MYO1D: variants seen among roughly 807,000 people sequenced by gnomAD.
MYO1D encodes the protein myosin ID.
Under a neutral mutation model 122.0 loss-of-function variants are expected in MYO1D, and 83 were observed. That is an observed-to-expected ratio of 0.68 (90% CI 0.57 to 0.82). MYO1D has a LOEUF of 0.82. Ranked by LOEUF, MYO1D falls within the 40% of genes least tolerant of loss-of-function variation. The pLI is 0.00. For missense variants in MYO1D, 1,157 were observed against 1,269.5 expected (o/e 0.91, Z 1.35); for synonymous variants, 464 against 446.9 (o/e 1.04, Z -0.48).
At position 32,638,619 on chromosome 17, in the gene MYO1D, T is replaced by G. The variant is rs2088140993; in HGVS notation, c.2709+103A>C. The G allele has an allele frequency of 4.4e-6, 3 of 680,060 alleles. No individual in the cohort carries two copies. In the East Asian group the frequency reaches 7.8e-5, roughly 18 times the overall value. 42.1% of individuals were successfully genotyped at this position (680,060 alleles called of 1,614,324 possible). ...ATAAAATTTCAGGAATTCATGGGCA[T>G]CCTAAAGCCCCAAAGATTCTAGAAC... On this transcript the variant is annotated intron_variant, in intron 20 of 21. Transcript: ENST00000318217.
intron 21 of MYO1D, among the ~76,000 whole-genome samples, chr17:32,546,090 G>C (rs1345338825): frequency 1.3e-5 from 2 of 152,000 alleles, no homozygotes; most frequent in East Asian, 1.9e-4. Flanking sequence ...TTCACAGTCT[G>C]GGTCGCCTTC....
At chr17:32,527,049 C>G (rs867418263) in intron 21 of MYO1D, among the ~76,000 whole-genome samples, 20 of 152,338 alleles carry the variant, frequency 1.3e-4, no homozygotes, top group Middle Eastern at 3.4e-3. Context: ...CCATCCCATA[C>G]AGTGCTGCTT....
At chr17:32,545,702 T>C (rs922175901) in intron 21 of MYO1D, among the ~76,000 whole-genome samples, 1 of 152,098 alleles carries the variant, frequency 6.6e-6, no homozygotes, top group African/African-American at 2.4e-5. Context: ...ATACATAACC[T>C]CTCAGCTTAA....
rs373376705 is a variant in MYO1D at position 32,529,014 on chromosome 17, C to G, written c.2865-34099G>C. On this transcript the variant is annotated intron_variant, in intron 21 of 21. Transcript: ENST00000318217. ...CTGACATAGATCGGTAGATGGTGTC[C>G]TCGGATGAGACTTCTGGTTTACTTC... is the stretch of plus-strand genomic sequence containing the variant. 1.2e-4 allele frequency: 18 copies of G among 152,302 alleles called. 1 individual carries two copies. In the East Asian group the frequency reaches 2.7e-3, roughly 23 times the overall value. 9.4% of individuals were successfully genotyped at this position (152,302 alleles called of 1,614,324 possible). A position where few individuals can be genotyped will look rare whatever the true frequency, so the allele number is the denominator to read the frequency against.
chr17:32,824,171 C>G (rs1442488557), intron 1 of MYO1D, among the ~76,000 whole-genome samples: 1 of 150,664 alleles, frequency 6.6e-6, no homozygotes, highest in African/African-American at 2.4e-5. Context: ...TCATATAAAA[C>G]CATTAAAAGC....
chr17:32,796,553 C>A (rs1033457971), intron 1 of MYO1D, among the ~76,000 whole-genome samples: 2 of 152,152 alleles, frequency 1.3e-5, no homozygotes, highest in African/African-American at 4.8e-5. Flanking sequence ...GCTGGGACTA[C>A]AGGCGCGGGC....
intron 1 of MYO1D, among the ~76,000 whole-genome samples, chr17:32,789,549 A>T (rs939102846): frequency 6.6e-6 from 1 of 152,248 alleles, no homozygotes; most frequent in African/African-American, 2.4e-5. Context: ...CATAAGTTGA[A>T]CTGTATTCTC....
At chr17:32,503,809 G>A (rs1012014084) in intron 21 of MYO1D, among the ~76,000 whole-genome samples, 1 of 152,222 alleles carries the variant, frequency 6.6e-6, no homozygotes, top group African/African-American at 2.4e-5. Context: ...GCTCATGACT[G>A]CAGCTGTTTA....
chr17:32,628,123 T>C (rs1472334981), intron 20 of MYO1D, among the ~76,000 whole-genome samples: 1 of 152,116 alleles, frequency 6.6e-6, no homozygotes, highest in Non-Finnish European at 1.5e-5. Flanking sequence ...CAACCACAAG[T>C]CCCCCAGCTC....
At chr17:32,620,270 G>A (rs1311381200) in intron 20 of MYO1D, among the ~76,000 whole-genome samples, 2 of 152,220 alleles carry the variant, frequency 1.3e-5, no homozygotes, top group Non-Finnish European at 2.9e-5. Flanking sequence ...AGGGTCAGGA[G>A]AGGGGTACCT....
Position 32,585,231 on chromosome 17 carries a change from A to C in MYO1D, c.2864+19856T>G, listed in dbSNP as rs554218347. ...GCTTTCCTTTTCTATTTTATATCTA[A>C]ATTTCTTTTCTTCTTATACCCTCAG... On this transcript the variant is annotated intron_variant, in intron 21 of 21. Coordinates refer to ENST00000318217, the MANE Select transcript of MYO1D (RefSeq NM_015194.3). Among the ~76,000 whole-genome samples, 14 of 151,844 alleles carry C rather than the reference A, an allele frequency of 9.2e-5. No individual in the cohort carries two copies. In the South Asian group the frequency reaches 2.9e-3, roughly 32 times the overall value.
chr17:32,534,952 G>A (rs555577236), intron 21 of MYO1D, among the ~76,000 whole-genome samples: 64 of 152,278 alleles, frequency 4.2e-4, no homozygotes, highest in Non-Finnish European at 6.2e-4. Flanking sequence ...TACGTATAGA[G>A]AATGGAAAGT....
intron 19 of MYO1D, among the ~76,000 whole-genome samples, chr17:32,645,460 G>A (rs1157076959): frequency 1.3e-5 from 2 of 152,134 alleles, no homozygotes; most frequent in African/African-American, 4.8e-5. Flanking sequence ...GCCTTGTTAG[G>A]TTGGGGAAGT....
chr17:32,823,279 CTGAG>C (rs1477767041), intron 1 of MYO1D, among the ~76,000 whole-genome samples: 1 of 152,146 alleles, frequency 6.6e-6, no homozygotes, highest in African/African-American at 2.4e-5. Flanking sequence ...CAAGGATAGA[CTGAG>C]TGAGCACCCA....
chr17:32,870,671 C>T (rs1354721311), intron 1 of MYO1D, among the ~76,000 whole-genome samples: 1 of 151,234 alleles, frequency 6.6e-6, no homozygotes, highest in East Asian at 1.9e-4. Flanking sequence ...CATTTGAGTA[C>T]TCAGTTAATT....
intron 1 of MYO1D, among the ~76,000 whole-genome samples, chr17:32,796,681 T>TAATCCCTGTAATA (rs2090420037): frequency 6.6e-6 from 1 of 152,218 alleles, no homozygotes; most frequent in Non-Finnish European, 1.5e-5. Context: ...TCCAAAGTGT[T>TAATCCCTGTAATA]GGGATTACAG....
At chr17:32,870,280 A>G (rs184066019) in intron 1 of MYO1D, among the ~76,000 whole-genome samples, 4 of 152,340 alleles carry the variant, frequency 2.6e-5, no homozygotes, top group Admixed American at 2.0e-4. Context: ...ATGGAAGCCA[A>G]AAAGATTTAG....
Position 32,705,506 on chromosome 17 carries a change from G to A in MYO1D, c.2121+6482C>T, listed in dbSNP as rs866861643. ...TCTAGAACTCCTGACCTCGTGATCC[G>A]CCCGCCTTGGCCTCCCAAAGTGCTG... On this transcript the variant is annotated intron_variant, in intron 16 of 21. Coordinates refer to ENST00000318217, the MANE Select transcript of MYO1D (RefSeq NM_015194.3). 2.6e-5 allele frequency among the ~76,000 whole-genome samples: 4 copies of A among 152,180 alleles called. No individual in the cohort carries two copies. The South Asian group carries it at 6.2e-4, about 24-fold the overall frequency.
chr17:32,807,005 A>G (rs993395036), intron 1 of MYO1D, among the ~76,000 whole-genome samples: 1 of 152,222 alleles, frequency 6.6e-6, no homozygotes, highest in African/African-American at 2.4e-5. Flanking sequence ...TGGTCTATAC[A>G]TATTATATAC....
Sources: gnomAD v4.1 joint callset for allele counts (sites outside exome capture counted in the v4.1 genomes callset) on GRCh38, gnomAD v4.1.1 for gene constraint, MANE v1.5 for transcripts, NCBI Gene and HGNC (gene_info 2026-07-23, HGNC 2026-07-21) for gene names.